PRKAR1B: variants seen among roughly 807,000 people sequenced by gnomAD.
PRKAR1B encodes the protein protein kinase cAMP-dependent type I regulatory subunit beta, also known as cAMP-dependent protein kinase type I-beta regulatory subunit.
In PRKAR1B, 22 loss-of-function variants were observed where a neutral mutation model predicts 46.5. The observed-to-expected ratio is 0.47, with a 90% CI of 0.34 to 0.68. PRKAR1B has a LOEUF of 0.68. PRKAR1B is among the 30% of genes least tolerant of loss of function. PRKAR1B has a pLI of 0.01. For synonymous variants in PRKAR1B, 259 were observed against 217.7 expected (o/e 1.19, Z -1.67); for missense variants, 445 against 535.6 (o/e 0.83, Z 1.67).
At chr7:588,891 GTGGTGA>G (rs755062283) in intron 7 of PRKAR1B, among the ~76,000 whole-genome samples, 2 of 3,450 alleles carry the variant, frequency 5.8e-4, no homozygotes, top group Admixed American at 6.0e-3. Flanking sequence ...AGTGACAGTG[GTGGTGA>G]TGGTGACGGT....
chr7:578,103 C>A (rs970965680), intron 9 of PRKAR1B, among the ~76,000 whole-genome samples: 44 of 152,200 alleles, frequency 2.9e-4, no homozygotes, highest in African/African-American at 1.0e-3. Flanking sequence ...GCGTGGCTTA[C>A]GGAGAGTGGC....
At chr7:604,328 A>G (rs1781865173) in intron 6 of PRKAR1B, among the ~76,000 whole-genome samples, 1 of 152,168 alleles carries the variant, frequency 6.6e-6, no homozygotes, top group East Asian at 1.9e-4. Context: ...TTGACCCGCC[A>G]GTGCCGCCCT....
intron 2 of PRKAR1B, among the ~76,000 whole-genome samples, chr7:695,358 G>A (rs549640373): frequency 3.3e-5 from 5 of 152,206 alleles, no homozygotes; most frequent in Admixed American, 6.5e-5. Context: ...AAGTACAGAC[G>A]TCCAGCCCAG....
At chr7:697,357 C>T (rs1779795478) in intron 2 of PRKAR1B, among the ~76,000 whole-genome samples, 1 of 152,180 alleles carries the variant, frequency 6.6e-6, no homozygotes, top group Non-Finnish European at 1.5e-5. Context: ...TTCCTCAGTC[C>T]TGCCTGCGGC....
intron 4 of PRKAR1B, among the ~76,000 whole-genome samples, chr7:637,787 C>T (rs554575753): frequency 6.6e-6 from 1 of 151,446 alleles, no homozygotes; most frequent in African/African-American, 2.4e-5. Flanking sequence ...GAGCCGAGAT[C>T]GCACCACTGC....
At chr7:589,244 C>G (rs1462572082) in intron 7 of PRKAR1B, among the ~76,000 whole-genome samples, 2 of 151,728 alleles carry the variant, frequency 1.3e-5, no homozygotes, top group Admixed American at 1.3e-4. Context: ...GTGTCTCTGG[C>G]CTGGGCTCCT....
chr7:588,097 G>T (rs1302456320), intron 7 of PRKAR1B, among the ~76,000 whole-genome samples: 1 of 152,196 alleles, frequency 6.6e-6, no homozygotes, highest in Non-Finnish European at 1.5e-5. Context: ...GCCGCCCTCA[G>T]TGTCCAGAAA....
intron 8 of PRKAR1B, among the ~76,000 whole-genome samples, chr7:583,811 T>A (rs1470953002): frequency 7.1e-6 from 1 of 140,762 alleles, no homozygotes; most frequent in Non-Finnish European, 1.5e-5. Flanking sequence ...TGCACACTCA[T>A]GCACACACAC....
chr7:551,363 A>C (rs1450890904), intron 10 of PRKAR1B, 26 bp downstream of exon 10: 1 of 1,548,238 alleles, frequency 6.5e-7, no homozygotes, highest in East Asian at 2.4e-5. Flanking sequence ...CAGCCGTGCG[A>C]GGGAGGGGAC....
At chr7:650,380 T>TCACAA (rs1784840758) in intron 4 of PRKAR1B, among the ~76,000 whole-genome samples, 2 of 123,802 alleles carry the variant, frequency 1.6e-5, no homozygotes, top group Non-Finnish European at 3.4e-5. Context: ...AGCCCCTCCC[T>TCACAA]CCCTCCCTGC....
intron 1 of PRKAR1B, among the ~76,000 whole-genome samples, chr7:718,972 A>G (rs1023382260): frequency 5.4e-5 from 8 of 147,942 alleles, no homozygotes; most frequent in African/African-American, 1.2e-4. Context: ...TCCTGGCCCA[A>G]GTGATCCTCC....
intron 4 of PRKAR1B, among the ~76,000 whole-genome samples, chr7:633,278 C>A (rs1042706217): frequency 6.6e-6 from 1 of 152,092 alleles, no homozygotes; most frequent in African/African-American, 2.4e-5. Flanking sequence ...ACTCCATGTG[C>A]GTATTTGCTT....
intron 4 of PRKAR1B, among the ~76,000 whole-genome samples, chr7:609,684 A>G (rs1782365104): frequency 6.6e-6 from 1 of 152,198 alleles, no homozygotes; most frequent in Non-Finnish European, 1.5e-5. Context: ...TCTGAAATGC[A>G]CCTGGGTGAA....
chr7:700,161 G>C (rs138695175), intron 2 of PRKAR1B, among the ~76,000 whole-genome samples: 2 of 152,238 alleles, frequency 1.3e-5, no homozygotes, highest in East Asian at 1.9e-4. Flanking sequence ...AGAACACAGA[G>C]AACCACAGAA....
intron 1 of PRKAR1B, among the ~76,000 whole-genome samples, chr7:717,975 T>G (rs1780938279): frequency 6.6e-6 from 1 of 152,022 alleles, no homozygotes; most frequent in Admixed American, 6.6e-5. Flanking sequence ...CAGGGGACTC[T>G]CTCCCTTGCT....
At chr7:576,280 C>T (rs1310750503) in intron 9 of PRKAR1B, among the ~76,000 whole-genome samples, 2 of 152,186 alleles carry the variant, frequency 1.3e-5, no homozygotes, top group African/African-American at 4.8e-5. Flanking sequence ...TCACTCCCCT[C>T]TCGGGGCCCG....
chr7:718,115 G>A (rs939278188), intron 1 of PRKAR1B, among the ~76,000 whole-genome samples: 37 of 151,878 alleles, frequency 2.4e-4, no homozygotes, highest in African/African-American at 7.5e-4. Context: ...CTTGGGAACG[G>A]TCCCTTCCTC....
At chr7:601,652 C>T (rs1405045985) in intron 6 of PRKAR1B, among the ~76,000 whole-genome samples, 1 of 152,242 alleles carries the variant, frequency 6.6e-6, no homozygotes, top group Non-Finnish European at 1.5e-5. Context: ...CTGACGCCCA[C>T]CCCTGCCCTG....
chr7:693,349 C>T (rs910918870), intron 2 of PRKAR1B, among the ~76,000 whole-genome samples: 7 of 151,896 alleles, frequency 4.6e-5, no homozygotes, highest in Admixed American at 4.6e-4. Flanking sequence ...GCTGTGCAAC[C>T]ACCACCTCCA....
Sources: gnomAD v4.1 joint callset for allele counts (sites outside exome capture counted in the v4.1 genomes callset) on GRCh38, gnomAD v4.1.1 for gene constraint, MANE v1.5 for transcripts, NCBI Gene and HGNC (gene_info 2026-07-23, HGNC 2026-07-21) for gene names.